DMXL2: variants seen among roughly 807,000 people sequenced by gnomAD.
The protein encoded by DMXL2 is Dmx like 2.
In DMXL2, 103 loss-of-function variants were observed where a neutral mutation model predicts 331.1. The ratio of observed to expected loss-of-function variants is 0.31; its 90% CI spans 0.27 to 0.37. The LOEUF (loss-of-function observed/expected upper bound fraction) is 0.37. DMXL2 is among the 10% of genes least tolerant of loss of function. DMXL2 has a pLI of 1.00. For missense variants in DMXL2, 3,171 were observed against 3,642.9 expected, an observed-to-expected ratio of 0.87 and a Z score of 3.33; for synonymous variants, 1,281 against 1,252.1, an observed-to-expected ratio of 1.02 and a Z score of -0.49.
chr15:51,569,540 C>G (rs1159124559), intron 2 of DMXL2, among the ~76,000 whole-genome samples: 2 of 152,204 alleles, frequency 1.3e-5, no homozygotes, highest in Admixed American at 1.3e-4. Flanking sequence ...ACTGGAGACA[C>G]CTCACAGTAG....
chr15:51,528,267 A>G (rs1419174936), intron 13 of DMXL2, among the ~76,000 whole-genome samples: 1 of 152,162 alleles, frequency 6.6e-6, no homozygotes, highest in Non-Finnish European at 1.5e-5. Flanking sequence ...TAAATTCTCC[A>G]ATCAAAAGAC....
rs775764194 is a variant in DMXL2, at chr15:51,480,066, G to A, written c.6638C>T (p.Ala2213Val). ...ATTAGCTATGACTGTTTTTGTTGAC[G>A]CAATACTTGCTGAAAGCAGAGGTAG... The part of the protein sequence containing the change: ...TTLPLLSASI[A>V]STKTVIANPV... The change falls in exon 25 of 44, where the codon GCG becomes GTG. Residue 2213 changes from alanine (A) to valine (V), a missense_variant. Physicochemically the swap from Ala to Val is moderately conservative, Grantham distance 64. Coordinates refer to ENST00000560891, the MANE Select transcript of DMXL2 (RefSeq NM_001378457.1). 2.8e-5 allele frequency: 45 copies of A among 1,600,020 alleles called. No homozygotes were observed. Among genetic ancestry groups the A allele is most frequent in the Non-Finnish European group, 3.7e-5 (43 of 1,169,546 alleles).
chr15:51,564,936 C>T, intron 4 of DMXL2, 152 bp downstream of exon 4: 1 of 470,250 alleles, frequency 2.1e-6, no homozygotes, highest in Admixed American at 4.1e-5. Flanking sequence ...GCACAAAGCA[C>T]TGTATACCAA....
intron 19 of DMXL2, among the ~76,000 whole-genome samples, chr15:51,493,903 T>C (rs1476184079): frequency 2.0e-5 from 3 of 152,150 alleles, no homozygotes; most frequent in African/African-American, 7.2e-5. Context: ...AAACTTCTTT[T>C]TTATTTTATA....
chr15:51,517,196 G>A, intron 13 of DMXL2, 29 bp from the exon 14 acceptor site: 1 of 1,521,728 alleles, frequency 6.6e-7, no homozygotes, highest in East Asian at 2.3e-5. Context: ...AAATGTTAAT[G>A]GCCAACAAAT....
intron 13 of DMXL2, among the ~76,000 whole-genome samples, chr15:51,525,563 A>G (rs566925656): frequency 1.3e-5 from 2 of 152,082 alleles, no homozygotes; most frequent in African/African-American, 2.4e-5. Flanking sequence ...AGGGAGCCCA[A>G]TGCCCTGAAA....
Position 51,622,632 on chromosome 15 carries a change from C to T in DMXL2, c.-87G>A, listed in dbSNP as rs897995589. 174 of 1,461,578 alleles carry T rather than the reference C, an allele frequency of 1.2e-4. No individual in the cohort carries two copies. Among genetic ancestry groups the T allele is most frequent in the Middle Eastern group, 2.1e-4 (1 of 4,722 alleles). The allele number at this position is 1,461,578 out of a possible 1,614,324, so 90.5% of individuals were successfully genotyped here. On this transcript the variant is annotated 5_prime_UTR_variant, in exon 1 of 44. Transcript: ENST00000560891. ...CTCGGGCTGCGAGAGCCGTTTCCCT[C>T]TGTGCCTCCCTCGGAAACCCGCCCC...
intron 4 of DMXL2, 64 bp from the exon 5 acceptor site, chr15:51,564,324 G>C: frequency 7.7e-7 from 1 of 1,292,826 alleles, no homozygotes. Flanking sequence ...ATGCACATGG[G>C]CTTCTGTTTA....
chr15:51,574,853 A>C (rs931791632), intron 2 of DMXL2, among the ~76,000 whole-genome samples: 1 of 152,228 alleles, frequency 6.6e-6, no homozygotes, highest in Non-Finnish European at 1.5e-5. Flanking sequence ...ATGTGTGTTC[A>C]TTGCGATTAT....
intron 39 of DMXL2, among the ~76,000 whole-genome samples, chr15:51,455,490 C>G (rs1385388482): frequency 6.6e-6 from 1 of 152,108 alleles, no homozygotes; most frequent in Non-Finnish European, 1.5e-5. Context: ...CCTCAAACTC[C>G]TGGGTTCAAG....
chr15:51,589,791 T>C (rs2087968209), intron 1 of DMXL2, among the ~76,000 whole-genome samples: 1 of 152,212 alleles, frequency 6.6e-6, no homozygotes, highest in Non-Finnish European at 1.5e-5. Context: ...TTCGATATTA[T>C]GAATTAAGAG....
intron 1 of DMXL2, among the ~76,000 whole-genome samples, chr15:51,586,394 T>C (rs916055898): frequency 6.6e-6 from 1 of 151,942 alleles, no homozygotes; most frequent in Non-Finnish European, 1.5e-5. Flanking sequence ...CAAAAATCTA[T>C]GGGAAGAAAA....
intron 16 of DMXL2, among the ~76,000 whole-genome samples, chr15:51,503,382 A>G (rs2043821794): frequency 6.6e-6 from 1 of 152,238 alleles, no homozygotes; most frequent in Non-Finnish European, 1.5e-5. Context: ...ATGGAATACT[A>G]TTCAGCTATA....
At chr15:51,521,662 C>T (rs569194407) in intron 13 of DMXL2, among the ~76,000 whole-genome samples, 2 of 152,106 alleles carry the variant, frequency 1.3e-5, no homozygotes, top group South Asian at 4.2e-4. Context: ...TAAGTGGAGG[C>T]CAATTAAATG....
At chr15:51,512,815 G>C (rs558729252) in intron 15 of DMXL2, among the ~76,000 whole-genome samples, 204 of 135,430 alleles carry the variant, frequency 1.5e-3, no homozygotes, top group African/African-American at 6.2e-3. Context: ...ACTCTGTCTC[G>C]GAAAAAAAAA....
chr15:51,598,337 A>T (rs1422680414), intron 1 of DMXL2, among the ~76,000 whole-genome samples: 1 of 152,112 alleles, frequency 6.6e-6, no homozygotes, highest in East Asian at 1.9e-4. Flanking sequence ...GGACCATTTG[A>T]AAGTTGCAGG....
At chr15:51,474,042 C>T (rs2041359772) in intron 28 of DMXL2, among the ~76,000 whole-genome samples, 1 of 150,060 alleles carries the variant, frequency 6.7e-6, no homozygotes, top group Admixed American at 6.6e-5. Context: ...AGGAACTACT[C>T]TTTTTGTATG....
chr15:51,451,720 A>G, intron 41 of DMXL2, 23 bp from the exon 42 acceptor site: 2 of 1,588,524 alleles, frequency 1.3e-6, no homozygotes, highest in Non-Finnish European at 1.7e-6. Context: ...CACAATAACA[A>G]AAATACATCA....
chr15:51,554,746 T>C (rs1248949777), intron 6 of DMXL2, among the ~76,000 whole-genome samples: 1 of 152,248 alleles, frequency 6.6e-6, no homozygotes, highest in East Asian at 1.9e-4. Context: ...ACGAGAGTCC[T>C]GGTAAGCATG....
Sources: allele counts gnomAD v4.1 joint callset (sites outside exome capture counted in the v4.1 genomes callset), GRCh38; gene constraint gnomAD v4.1.1; transcripts MANE v1.5; gene names NCBI Gene and HGNC (gene_info 2026-07-23, HGNC 2026-07-21).